The following SLC39A11 variants were observed in gnomAD, a reference collection of about 807,000 sequenced individuals.
The protein encoded by SLC39A11 is solute carrier family 39 member 11.
SLC39A11 carries 33 observed loss-of-function variants against 36.1 expected under a neutral mutation model. The ratio of observed to expected loss-of-function variants is 0.91; its 90% CI spans 0.69 to 1.22. The LOEUF (loss-of-function observed/expected upper bound fraction) is 1.22, where lower values mean the gene tolerates loss of function less well. Among genes scored for constraint, SLC39A11 ranks in the 50% most tolerant of loss-of-function variants. The pLI, the probability that SLC39A11 is intolerant of heterozygous loss-of-function variation, is 0.00. For synonymous variants in SLC39A11, 166 were observed against 170.3 expected, an observed-to-expected ratio of 0.97 and a Z score of 0.20; for missense variants, 432 against 430.3, an observed-to-expected ratio of 1.00 and a Z score of -0.03.
chr17:72,736,570 C>G (rs1418739891), intron 7 of SLC39A11, 80 bp downstream of exon 7: 2 of 1,237,036 alleles, frequency 1.6e-6, no homozygotes, highest in East Asian at 2.3e-5. Context: ...AATGCACAGA[C>G]AGCCCACCCA....
intron 6 of SLC39A11, among the ~76,000 whole-genome samples, chr17:72,785,048 A>G (rs2076460398): frequency 1.3e-5 from 2 of 151,902 alleles, no homozygotes; most frequent in African/African-American, 4.8e-5. Flanking sequence ...TTGTATTTTT[A>G]GTAGAGATGG....
rs879349280 is a variant in SLC39A11 at position 72,773,680 on chromosome 17, C to CACACAT, written c.602-36962_602-36961insATGTGT. Among the ~76,000 whole-genome samples, 185 of 150,150 alleles carry CACACAT rather than the reference C, an allele frequency of 1.2e-3. 2 individuals are homozygous for CACACAT. The highest frequency in any genetic ancestry group is 6.8e-3 in the Middle Eastern group (2 of 294). ...ACACACACACACACACACACACACC[C>CACACAT]AGTATATAAAGGATATCAGTGTCAT... On this transcript the variant is annotated intron_variant, in intron 6 of 9. Coordinates refer to ENST00000255559, the MANE Select transcript of SLC39A11 (RefSeq NM_139177.4).
At chr17:73,084,437 CAAAAAAAAAA>C (rs67639617) in intron 3 of SLC39A11, among the ~76,000 whole-genome samples, 4 of 61,662 alleles carry the variant, frequency 6.5e-5, no homozygotes, top group East Asian at 6.0e-4. Flanking sequence ...GGCTCTGTCT[CAAAAAAAAAA>C]AAAAAAAAAA....
intron 4 of SLC39A11, among the ~76,000 whole-genome samples, chr17:72,948,815 A>C (rs1336688485): frequency 6.6e-6 from 1 of 152,240 alleles, no homozygotes; most frequent in East Asian, 1.9e-4. Flanking sequence ...TGAAAGAGAC[A>C]AAGTCCCGGT....
chr17:72,964,706 G>C (rs1482658042), intron 4 of SLC39A11, among the ~76,000 whole-genome samples: 2 of 152,144 alleles, frequency 1.3e-5, no homozygotes, highest in Non-Finnish European at 2.9e-5. Flanking sequence ...ATTACTCAGG[G>C]ATCTAGAACT....
intron 7 of SLC39A11, among the ~76,000 whole-genome samples, chr17:72,689,710 C>T (rs1451211011): frequency 2.0e-5 from 3 of 152,272 alleles, no homozygotes; most frequent in South Asian, 4.1e-4. Context: ...ACATATTGTA[C>T]GATTCCACTG....
chr17:72,985,922 A>G (rs1310472339), intron 4 of SLC39A11, among the ~76,000 whole-genome samples: 1 of 152,108 alleles, frequency 6.6e-6, no homozygotes. Context: ...TATAAAAAGG[A>G]GAAATTTGGA....
chr17:72,882,336 T>C (rs905579810), intron 5 of SLC39A11, among the ~76,000 whole-genome samples: 2 of 140,870 alleles, frequency 1.4e-5, no homozygotes, highest in African/African-American at 2.7e-5. Context: ...AGCCTAGATA[T>C]CAGAATGTAC....
chr17:73,016,553 C>T (rs572611773), intron 4 of SLC39A11, among the ~76,000 whole-genome samples: 4 of 152,094 alleles, frequency 2.6e-5, no homozygotes, highest in South Asian at 2.1e-4. Context: ...AGACTGGTCT[C>T]GAACTCCTGA....
chr17:72,830,771 A>C lies in SLC39A11; in HGVS notation c.601+18863T>G, dbSNP rs1052515056. Among the ~76,000 whole-genome samples, 3 of 152,108 alleles carry C rather than the reference A, an allele frequency of 2.0e-5. No homozygotes were observed. The South Asian group carries it at 6.2e-4, about 32-fold the overall frequency. On this transcript the variant is annotated intron_variant, in intron 6 of 9. Transcript: ENST00000255559. Reference sequence around the variant, plus strand: ...CAAATATCTTCATCAAACCCCATGCATACCCTGGCACTCCTCTGAGTTCCT... The same window carrying C: ...CAAATATCTTCATCAAACCCCATGCCTACCCTGGCACTCCTCTGAGTTCCT...
intron 7 of SLC39A11, among the ~76,000 whole-genome samples, chr17:72,675,466 T>G (rs1340466945): frequency 6.6e-6 from 1 of 152,228 alleles, no homozygotes; most frequent in East Asian, 1.9e-4. Flanking sequence ...TTTGTTTTGG[T>G]AGCCCAAATG....
At chr17:72,670,370 C>CA (rs71154904) in intron 7 of SLC39A11, among the ~76,000 whole-genome samples, 38,070 of 136,386 alleles carry the variant, frequency 0.28, 5,115 homozygotes, top group Middle Eastern at 0.34. Context: ...GACCCTGTCT[C>CA]AAAAAAAAAA....
intron 4 of SLC39A11, among the ~76,000 whole-genome samples, chr17:72,994,608 A>G (rs1169284026): frequency 6.6e-6 from 1 of 152,208 alleles, no homozygotes; most frequent in Non-Finnish European, 1.5e-5. Flanking sequence ...ATTTCATAAT[A>G]AAGTGAAAAA....
At chr17:72,849,607 C>A in intron 6 of SLC39A11, 27 bp downstream of exon 6, 3 of 1,464,648 alleles carry the variant, frequency 2.0e-6, no homozygotes, top group Non-Finnish European at 2.7e-6. Flanking sequence ...CAGGCAGTGG[C>A]TGTCACGCTC....
chr17:72,783,773 G>T (rs1406902416), intron 6 of SLC39A11, among the ~76,000 whole-genome samples: 1 of 152,218 alleles, frequency 6.6e-6, no homozygotes, highest in African/African-American at 2.4e-5. Flanking sequence ...GGAATAGTCA[G>T]AGTTAACAGG....
chr17:72,828,482 G>A (rs11870060), intron 6 of SLC39A11, among the ~76,000 whole-genome samples: 68,693 of 151,976 alleles, frequency 0.45, 16,445 homozygotes, highest in Non-Finnish European at 0.54. Context: ...TGAAATGGAG[G>A]CACAGAGAGG....
At chr17:72,891,568 T>C (rs2081745707) in intron 5 of SLC39A11, among the ~76,000 whole-genome samples, 1 of 152,114 alleles carries the variant, frequency 6.6e-6, no homozygotes, top group Non-Finnish European at 1.5e-5. Context: ...CAGTTCATGA[T>C]TCAGGTCCCT....
intron 7 of SLC39A11, among the ~76,000 whole-genome samples, chr17:72,725,325 C>T (rs1368108055): frequency 6.6e-6 from 1 of 152,114 alleles, no homozygotes; most frequent in Non-Finnish European, 1.5e-5. Flanking sequence ...ATTTCTACCC[C>T]TCTACGTAGG....
chr17:72,962,267 C>T (rs1395125101), intron 4 of SLC39A11, among the ~76,000 whole-genome samples: 1 of 152,154 alleles, frequency 6.6e-6, no homozygotes, highest in African/African-American at 2.4e-5. Flanking sequence ...CCTCAAACAA[C>T]ACTCCTTTTT....
Sources: allele counts gnomAD v4.1 joint callset (sites outside exome capture counted in the v4.1 genomes callset), GRCh38; gene constraint gnomAD v4.1.1; transcripts MANE v1.5; gene names NCBI Gene and HGNC (gene_info 2026-07-23, HGNC 2026-07-21).